ZNF185: variants seen among roughly 807,000 people sequenced by gnomAD.
ZNF185 encodes the protein zinc finger protein 185.
In ZNF185, 56 loss-of-function variants were observed where a neutral mutation model predicts 58.6. The ratio of observed to expected loss-of-function variants is 0.95; its 90% CI spans 0.77 to 1.19. The LOEUF is 1.19. Ranked by LOEUF, ZNF185 falls within the 50% of genes most tolerant of loss-of-function variation. ZNF185 has a pLI of 0.00. For synonymous variants in ZNF185, 230 were observed against 215.9 expected (o/e 1.07, Z -0.57); for missense variants, 627 against 573.5 (o/e 1.09, Z -0.95).
chrX:152,971,196 TGAC>T (rs1201650498), intron 22 of ZNF185, 75 bp from the exon 25 acceptor site: 2 of 111,903 alleles, frequency 1.8e-5, no homozygotes, highest in Non-Finnish European at 3.8e-5. Flanking sequence ...TAACTCCTGA[TGAC>T]TGGAGCAGTC....
chrX:152,961,580 C>G (rs1357943969), intron 17 of ZNF185, among the ~76,000 whole-genome samples: 3 of 111,917 alleles, frequency 2.7e-5, no homozygotes, highest in African/African-American at 9.8e-5. Flanking sequence ...GGGCCGCCGG[C>G]TAGAGATGCT....
In ZNF185 at chrX:152,922,669, G is replaced by A. The variant is rs935813940; in HGVS notation, c.741-51G>A. On this transcript the variant is annotated intron_variant, in intron 10 of 22. Coordinates refer to ENST00000449285, the Ensembl canonical transcript of ZNF185. ...AGTTAGCCACATTCAGCATGCCCAG[G>A]GAGGAGGCTCTGACATCTCCAGAGC... The A allele has an allele frequency of 1.4e-5, 15 of 1,097,020 alleles. No individual in the cohort carries two copies. The Admixed American group carries it at 3.7e-4, about 27-fold the overall frequency. The allele number at this position is 1,097,020 out of a possible 1,213,427, so 90.4% of individuals were successfully genotyped here.
At chrX:152,959,396 C>T (rs1224033725) in intron 16 of ZNF185, among the ~76,000 whole-genome samples, 1 of 112,598 alleles carries the variant, frequency 8.9e-6, no homozygotes, top group Non-Finnish European at 1.9e-5. Flanking sequence ...GGAGAGATGG[C>T]AGTGGGAGGA....
chrX:152,938,002 C>T (rs1198818840), intron 14 of ZNF185, 72 bp from the exon 17 acceptor site: 5 of 1,029,933 alleles, frequency 4.9e-6, no homozygotes, highest in African/African-American at 1.9e-5. Flanking sequence ...AGAAGGCAGC[C>T]TGGAGGGGGA....
At chrX:152,902,197 G>A in the ZNF185 span, among the ~76,000 whole-genome samples, 8 of 112,953 alleles carry the variant, frequency 7.1e-5, no homozygotes, top group African/African-American at 2.6e-4. Context: ...GGGTCAGAGA[G>A]GAGACATAGC....
intron 12 of ZNF185, among the ~76,000 whole-genome samples, chrX:152,930,977 G>A (rs192421924): frequency 1.8e-5 from 2 of 111,788 alleles, no homozygotes; most frequent in East Asian, 5.6e-4. Flanking sequence ...CTTATTACCT[G>A]TGAAATTTGG....
At chrX:152,947,219 A>G (rs1569511166) in intron 16 of ZNF185, among the ~76,000 whole-genome samples, 1 of 110,830 alleles carries the variant, frequency 9.0e-6, no homozygotes, top group East Asian at 2.8e-4. Context: ...CATTTCTACA[A>G]AAAATTTAAA....
chrX:152,963,643 T>C (rs1472563756), intron 17 of ZNF185, among the ~76,000 whole-genome samples, 196 bp from the exon 20 acceptor site: 3 of 112,112 alleles, frequency 2.7e-5, no homozygotes, highest in African/African-American at 9.7e-5. Context: ...TGCTACTGAC[T>C]CACGATGTGA....
intron 13 of ZNF185, 93 bp downstream of exon 14, chrX:152,931,869 C>T (rs1942045281): frequency 2.6e-6 from 2 of 758,615 alleles, no homozygotes; most frequent in African/African-American, 2.1e-5. Flanking sequence ...GGTGCAATGT[C>T]AATGGATGCA....
upstream of ZNF185, among the ~76,000 whole-genome samples, chrX:152,912,963 G>T (rs1221784740): frequency 8.8e-6 from 1 of 113,022 alleles, no homozygotes; most frequent in Non-Finnish European, 1.9e-5. Flanking sequence ...CAGTGATGAG[G>T]TGCCATTCCT....
chrX:152,935,238 C>CTTT (rs61588750), intron 14 of ZNF185, among the ~76,000 whole-genome samples: 15,075 of 97,107 alleles, frequency 0.16, 1,169 homozygotes, highest in South Asian at 0.24. Flanking sequence ...ATTGTTTTTC[C>CTTT]TTTTTTTTTT....
intron 16 of ZNF185, among the ~76,000 whole-genome samples, chrX:152,958,453 C>T (rs2049077921): frequency 9.0e-6 from 1 of 110,671 alleles, no homozygotes; most frequent in Admixed American, 9.6e-5. Context: ...TCAACTTTTT[C>T]ATCTGTAAAA....
intron 16 of ZNF185, among the ~76,000 whole-genome samples, chrX:152,946,907 G>A (rs1339597963): frequency 9.0e-6 from 1 of 111,474 alleles, no homozygotes; most frequent in African/African-American, 3.3e-5. Context: ...GGGAGCCACC[G>A]ATGGTTTTCC....
intron 20 of ZNF185, among the ~76,000 whole-genome samples, chrX:152,967,936 G>A (rs937285837): frequency 2.1e-4 from 24 of 112,084 alleles, no homozygotes; most frequent in African/African-American, 7.5e-4. Flanking sequence ...AAACCCCAGG[G>A]CCCTGACTAC....
intron 15 of ZNF185, among the ~76,000 whole-genome samples, chrX:152,938,916 AAGG>A (rs782261519): frequency 2.5e-4 from 24 of 96,812 alleles, no homozygotes; most frequent in African/African-American, 6.8e-4. Flanking sequence ...TAAAGAGGAG[AAGG>A]AGCCAACTCT....
At chrX:152,900,801 C>T in the ZNF185 span, among the ~76,000 whole-genome samples, 23 of 112,447 alleles carry the variant, frequency 2.0e-4, no homozygotes, top group African/African-American at 7.4e-4. Context: ...AAGAGAATGG[C>T]TCAGAGGTCA....
intron 16 of ZNF185, among the ~76,000 whole-genome samples, chrX:152,955,012 C>A (rs781950717): frequency 1.8e-5 from 2 of 111,080 alleles, no homozygotes; most frequent in Non-Finnish European, 3.8e-5. Context: ...AGGTACAGAA[C>A]GGCTGGATTG....
At chrX:152,911,824 CCCATCCCAT>C (rs1326581407), upstream of ZNF185, among the ~76,000 whole-genome samples, 4 of 77,615 alleles carry the variant, frequency 5.2e-5, no homozygotes, top group East Asian at 1.8e-3. Context: ...ATCCATCCAT[CCCATCCCAT>C]CCATCCCATC....
chrX:152,936,395 C>CTGGGGAAAG (rs2046289835), intron 14 of ZNF185, 23 bp from the exon 16 acceptor site: 1 of 1,153,223 alleles, frequency 8.7e-7, no homozygotes, highest in Non-Finnish European at 1.2e-6. Context: ...TGAACCTGGA[C>CTGGGGAAAG]CAGGTCTGGC....
Sources: allele counts gnomAD v4.1 joint callset (sites outside exome capture counted in the v4.1 genomes callset), GRCh38; gene constraint gnomAD v4.1.1; transcripts MANE v1.5; gene names NCBI Gene and HGNC (gene_info 2026-07-23, HGNC 2026-07-21).